Variants in GMIP observed in about 807,000 individuals in gnomAD.
GMIP encodes the protein GEM-interacting protein.
GMIP carries 54 observed loss-of-function variants against 105.3 expected under a neutral mutation model. The observed-to-expected ratio is 0.51, with a 90% CI of 0.41 to 0.64. The LOEUF (loss-of-function observed/expected upper bound fraction) is 0.64, where lower values mean the gene tolerates loss of function less well. Among genes scored for constraint, GMIP ranks in the 30% least tolerant of loss-of-function variants. GMIP has a pLI of 0.00. For missense variants in GMIP, 1,110 were observed against 1,319.4 expected, an observed-to-expected ratio of 0.84 and a Z score of 2.46; for synonymous variants, 541 against 560.8, an observed-to-expected ratio of 0.96 and a Z score of 0.50.
At chr19:19,641,413 C>T (rs905311366) in intron 4 of GMIP, among the ~76,000 whole-genome samples, 2 of 152,156 alleles carry the variant, frequency 1.3e-5, no homozygotes, top group African/African-American at 4.8e-5. Flanking sequence ...TGGTCTTGCT[C>T]TGTCATCCAG....
chr19:19,643,440 A>C, intron 1 of GMIP, 71 bp downstream of exon 1: 1 of 1,349,940 alleles, frequency 7.4e-7, no homozygotes, highest in South Asian at 1.3e-5. Context: ...GGAGCGGGAC[A>C]AGTGTGTGCC....
intron 7 of GMIP, 42 bp downstream of exon 7, chr19:19,640,043 T>C (rs2061901279): frequency 1.8e-6 from 2 of 1,133,868 alleles, no homozygotes; most frequent in East Asian, 4.7e-5. Context: ...GACAGCAGGA[T>C]AGCAGGGTGA....
chr19:19,635,473 C>A lies in GMIP; in HGVS notation c.1502G>T (p.Gly501Val). 1.2e-6 allele frequency: 2 copies of A among 1,610,534 alleles called. No homozygotes were observed. The highest frequency in any genetic ancestry group is 1.7e-6 in the Non-Finnish European group (2 of 1,180,008). The change falls in exon 15 of 21, where the codon GGC (glycine) becomes GTC (valine). Residue 501 changes from glycine to valine, a missense_variant. By Grantham distance (109) the Gly-to-Val change is moderately radical. Coordinates refer to ENST00000203556, the MANE Select transcript of GMIP (RefSeq NM_016573.4). This position sits in a 1 kb window ranked among gnomAD's most constrained non-coding sequence, Gnocchi z 4.7. ...AQTHQLRRLR[G>V]PAKCRECEAF... ...TTCGCACTCGCGGCACTTGGCTGGG[C>A]CCCGCAGTCGCCGCAGCTGGTGGGT... is the stretch of plus-strand genomic sequence containing the variant.
At position 19,630,602 on chromosome 19, in the gene GMIP, G is replaced by A; in HGVS notation, c.2473-65C>T. 1 of 1,397,694 alleles carries A rather than the reference G, an allele frequency of 7.2e-7. No individual in the cohort carries two copies. Among genetic ancestry groups the A allele is most frequent in the Non-Finnish European group, 1.0e-6 (1 of 983,286 alleles). 86.6% of individuals were successfully genotyped at this position (1,397,694 alleles called of 1,614,324 possible). A position where few individuals can be genotyped will look rare whatever the true frequency, so the allele number is the denominator to read the frequency against. ...ATCCCAGTTCTTTGAGATTCCTGGA[G>A]AGCCAAGGGCTTGTTCCTGGACATG... On this transcript the variant is annotated intron_variant, in intron 19 of 20. Coordinates refer to ENST00000203556, the MANE Select transcript of GMIP (RefSeq NM_016573.4). The surrounding 1 kb of genome is among the most constrained non-coding windows in gnomAD (Gnocchi z 4.8).
rs749131150 is a variant in GMIP at position 19,638,490 on chromosome 19, G to A, written c.538-8C>T. The A allele has an allele frequency of 6.2e-7, 1 of 1,613,326 alleles. No homozygotes were observed. Among genetic ancestry groups the A allele is most frequent in the South Asian group, 1.1e-5 (1 of 90,952 alleles). On this transcript the variant is annotated splice_region_variant and splice_polypyrimidine_tract_variant and intron_variant, in intron 7 of 20. Transcript: ENST00000203556. Reference sequence around the variant, plus strand: ...CCGTTTGGCGGCGAGGGGCTGGCAAGGGTTGGGGATGGGGATGGAGACGCT... The same window carrying A: ...CCGTTTGGCGGCGAGGGGCTGGCAAAGGTTGGGGATGGGGATGGAGACGCT...
Position 19,634,251 on chromosome 19 carries a change from AAG to A in GMIP, c.2085-63_2085-62del, listed in dbSNP as rs1247606216. On this transcript the variant is annotated intron_variant, in intron 18 of 20. Transcript: ENST00000203556. The surrounding 1 kb of genome is among the most constrained non-coding windows in gnomAD (Gnocchi z 6.1). Reference sequence around the variant, plus strand: ...GATGCAAGCTCATTGGTCTGAGGGTAAGGGTGGGACACGCAGGCCAGCCTAGA... The same window carrying A: ...GATGCAAGCTCATTGGTCTGAGGGTAGGTGGGACACGCAGGCCAGCCTAGA... 1 of 1,491,966 alleles carries A rather than the reference AAG, an allele frequency of 6.7e-7. No homozygotes were observed. The highest frequency in any genetic ancestry group is 1.4e-5 in the African/African-American group (1 of 72,196). 92.4% of individuals were successfully genotyped at this position (1,491,966 alleles called of 1,614,324 possible). A position where few individuals can be genotyped will look rare whatever the true frequency, so the allele number is the denominator to read the frequency against.
rs370915754 is a variant in GMIP, at chr19:19,642,089, C to G, written c.105-38G>C. The G allele has an allele frequency of 2.0e-4, 281 of 1,420,778 alleles. 3 individuals are homozygous for G. The Middle Eastern group carries it at 3.3e-3, about 17-fold the overall frequency. 88.0% of individuals were successfully genotyped at this position (1,420,778 alleles called of 1,614,324 possible). ...GGTGTGTCAGGATGCCACCTTACAC[C>G]CAGTCTGTCCTGCCAAGGGGTGCTG... On this transcript the variant is annotated intron_variant, in intron 2 of 20. Transcript: ENST00000203556.
Position 19,643,585 on chromosome 19 carries a change from G to C in GMIP, c.-56C>G. 1 of 1,468,526 alleles carries C rather than the reference G, an allele frequency of 6.8e-7. No homozygotes were observed. The highest frequency in any genetic ancestry group is 9.2e-7 in the Non-Finnish European group (1 of 1,090,770). 91.0% of individuals were successfully genotyped at this position (1,468,526 alleles called of 1,614,324 possible). A position where few individuals can be genotyped will look rare whatever the true frequency, so the allele number is the denominator to read the frequency against. The stretch of plus-strand genomic sequence containing the variant: ...CGGGATGGGGATGGGGTCGCGCGCC[G>C]GCGGGGCCGAGCCCCGATTTCCTGC... On this transcript the variant is annotated 5_prime_UTR_variant, in exon 1 of 21. Transcript: ENST00000203556.
At chr19:19,632,045 C>A (rs2061801592) in intron 19 of GMIP, among the ~76,000 whole-genome samples, 1 of 151,232 alleles carries the variant, frequency 6.6e-6, no homozygotes, top group African/African-American at 2.4e-5. Context: ...AATCCCAGCA[C>A]TTTGGGAGGC....
rs1568414057 is a variant in GMIP, at chr19:19,635,482, C to T, written c.1493G>A (p.Arg498Gln). 4.3e-6 allele frequency: 7 copies of T among 1,611,136 alleles called. No homozygotes were observed. The highest frequency in any genetic ancestry group is 1.1e-5 in the South Asian group (1 of 91,018). Residue 498 changes from arginine to glutamine, a missense_variant, in exon 15 of 21, where the codon CGA (arginine) becomes CAA (glutamine). By Grantham distance (43) the Arg-to-Gln change is conservative. Coordinates refer to ENST00000203556, the MANE Select transcript of GMIP (RefSeq NM_016573.4). This position sits in a 1 kb window ranked among gnomAD's most constrained non-coding sequence, Gnocchi z 4.7. ...GCGGCACTTGGCTGGGCCCCGCAGT[C>T]GCCGCAGCTGGTGGGTCTGAGCCGC... ...SSAAQTHQLR[R>Q]LRGPAKCREC...
chr19:19,630,087 A>AGCGGGGT lies in GMIP; in HGVS notation c.2782_2788dup (p.Leu930HisfsTer8). 6.2e-7 allele frequency: 1 copy of AGCGGGGT among 1,610,966 alleles called. No homozygotes were observed. The highest frequency in any genetic ancestry group is 8.5e-7 in the Non-Finnish European group (1 of 1,178,852). On this transcript the variant is annotated frameshift_variant, in exon 21 of 21. Transcript: ENST00000203556. LOFTEE classifies it high-confidence loss of function. This position sits in a 1 kb window ranked among gnomAD's most constrained non-coding sequence, Gnocchi z 4.8. The stretch of plus-strand genomic sequence containing the variant: ...CTGGGTAATCTCAAAATGCTTGGGC[A>AGCGGGGT]GCGGGGTGCGGCGCAGGGGGCTGCC...
Position 19,633,905 on chromosome 19 carries a change from G to T in GMIP, c.2370C>A (p.His790Gln). The T allele has an allele frequency of 6.5e-7, 1 of 1,529,522 alleles. No individual in the cohort carries two copies. The highest frequency in any genetic ancestry group is 8.8e-7 in the Non-Finnish European group (1 of 1,133,428). 94.7% of individuals were successfully genotyped at this position (1,529,522 alleles called of 1,614,324 possible). The change falls in exon 19 of 21, where the codon CAC becomes CAA. Residue 790 changes from histidine to glutamine, a missense_variant. This residue lies in a region of GMIP where 394 missense variants were observed against 450.5 expected (regional missense o/e 0.87). Transcript: ENST00000203556. ...LTTSSQPPPP[H>Q]LDPDSQPPVL... is the part of the protein sequence containing the mutation. ...CTGGGGGCTGGGAGTCTGGGTCAAG[G>T]TGCGGGGGTGGCGGTTGGGAGCTGG...
At position 19,640,462 on chromosome 19, in the gene GMIP, T is replaced by G; in HGVS notation, c.348A>C (p.Glu116Asp). 1 of 1,614,088 alleles carries G rather than the reference T, an allele frequency of 6.2e-7. No homozygotes were observed. Among genetic ancestry groups the G allele is most frequent in the Non-Finnish European group, 8.5e-7 (1 of 1,180,000 alleles). Residue 116 changes from glutamate (E) to aspartate (D), a missense_variant, in exon 5 of 21, where the codon GAA becomes GAC. Coordinates refer to ENST00000203556, the MANE Select transcript of GMIP (RefSeq NM_016573.4). ...RYAKELLAWT[E>D]KRASYELEFA... ...GGTCCTCACCATAGCTGGCTCTCTTTTCAGTCCAGGCAAGCAGTTCCTTGG... is the reference window on the plus strand; with the variant it reads ...GGTCCTCACCATAGCTGGCTCTCTTGTCAGTCCAGGCAAGCAGTTCCTTGG...
chr19:19,635,568 G>T lies in GMIP; in HGVS notation c.1407C>A (p.Asp469Glu), dbSNP rs747790075. Residue 469 changes from aspartate to glutamate, a missense_variant and splice_region_variant, in exon 15 of 21, where the codon GAC becomes GAA. Asp to Glu is a conservative substitution (Grantham distance 45). Coordinates refer to ENST00000203556, the MANE Select transcript of GMIP (RefSeq NM_016573.4). This position sits in a 1 kb window ranked among gnomAD's most constrained non-coding sequence, Gnocchi z 4.7. ...SSDDFEERDP[D>E]LGDGLENGLG... The stretch of plus-strand genomic sequence containing the variant: ...GCCCATTCTCCAGCCCGTCTCCCAG[G>T]TCTGCAGGGAGACAGGGTCAGGAGT... The T allele has an allele frequency of 1.4e-5, 23 of 1,613,704 alleles. No homozygotes were observed. The highest frequency in any genetic ancestry group is 1.9e-5 in the Non-Finnish European group (22 of 1,179,800).
intron 19 of GMIP, among the ~76,000 whole-genome samples, chr19:19,631,001 G>A (rs1219640047): frequency 6.6e-6 from 1 of 152,072 alleles, no homozygotes; most frequent in Non-Finnish European, 1.5e-5. Flanking sequence ...AGGAGTTCGG[G>A]ACCAGCCTGG....
intron 7 of GMIP, 108 bp from the exon 8 acceptor site, chr19:19,638,590 TA>T: frequency 1.1e-6 from 1 of 873,884 alleles, no homozygotes; most frequent in Non-Finnish European, 1.7e-6. Context: ...CTCTGGACTC[TA>T]TTTTTTTTTT....
chr19:19,637,209 A>C lies in GMIP; in HGVS notation c.1124+156T>G, dbSNP rs545379664. 6.6e-6 allele frequency among the ~76,000 whole-genome samples: 1 copy of C among 152,204 alleles called. No individual in the cohort carries two copies. The highest frequency in any genetic ancestry group is 2.1e-4 in the South Asian group (1 of 4,812). On this transcript the variant is annotated intron_variant, in intron 11 of 20. Coordinates refer to ENST00000203556, the MANE Select transcript of GMIP (RefSeq NM_016573.4). This position sits in a 1 kb window ranked among gnomAD's most constrained non-coding sequence, Gnocchi z 6.7. The stretch of plus-strand genomic sequence containing the variant: ...TCCTGCCCCTGCCCCTAGGACTGGG[A>C]CAACCCATTCACCCTCCTATGGCCC...
intron 7 of GMIP, among the ~76,000 whole-genome samples, chr19:19,638,850 G>A (rs1024311805): frequency 2.0e-5 from 3 of 149,208 alleles, no homozygotes; most frequent in Non-Finnish European, 4.4e-5. Flanking sequence ...GGAGGCCAAA[G>A]TGGGCAGATC....
At chr19:19,631,387 T>C (rs1280320985) in intron 19 of GMIP, among the ~76,000 whole-genome samples, 2 of 152,188 alleles carry the variant, frequency 1.3e-5, no homozygotes, top group Non-Finnish European at 2.9e-5. Context: ...GGCTGCTCTC[T>C]GCAACCTTAC....
Sources: allele counts gnomAD v4.1 joint callset (sites outside exome capture counted in the v4.1 genomes callset), GRCh38; gene constraint gnomAD v4.1.1; regional missense constraint gnomAD v4.1.1; non-coding constraint Gnocchi (gnomAD v3.1); transcripts MANE v1.5; gene names NCBI Gene and HGNC (gene_info 2026-07-23, HGNC 2026-07-21).